Variants in DFFB observed in about 807,000 individuals in gnomAD.
The protein encoded by DFFB is DNA fragmentation factor 40 kDa subunit.
Under a neutral mutation model 32.7 loss-of-function variants are expected in DFFB, and 29 were observed. The observed-to-expected ratio is 0.89, with a 90% CI of 0.66 to 1.21. DFFB has a LOEUF of 1.21. DFFB is among the 50% of genes most tolerant of loss of function. DFFB has a pLI of 0.00. For synonymous variants in DFFB, 170 were observed against 177.1 expected (o/e 0.96, Z 0.32); for missense variants, 398 against 440.6 (o/e 0.90, Z 0.87).
chr1:3,879,277 C>T (rs189135507), intron 6 of DFFB, among the ~76,000 whole-genome samples: 13 of 152,240 alleles, frequency 8.5e-5, no homozygotes, highest in South Asian at 6.2e-4. Context: ...TCTGCCTGTG[C>T]GGTTTTCCGG....
At chr1:3,867,304 G>A (rs374223252) in intron 3 of DFFB, among the ~76,000 whole-genome samples, 2 of 152,192 alleles carry the variant, frequency 1.3e-5, no homozygotes, top group African/African-American at 2.4e-5. Flanking sequence ...ACTCCACTGC[G>A]TGTACATGCC....
At chr1:3,861,718 G>A (rs1337645745) in intron 2 of DFFB, among the ~76,000 whole-genome samples, 2 of 152,200 alleles carry the variant, frequency 1.3e-5, no homozygotes, top group Non-Finnish European at 2.9e-5. Flanking sequence ...GTGAGCCACC[G>A]CACCTGGCCA....
chr1:3,883,865 T>TA lies in DFFB; in HGVS notation c.*130dup. ...CTCCAGTAGCTCCTGGAAAAAACCT[T>TA]AAAAAATGTTTCCTCCAAATCTGAT... is the stretch of plus-strand genomic sequence containing the variant. On this transcript the variant is annotated 3_prime_UTR_variant, in exon 7 of 7. Transcript: ENST00000378209. The TA allele has an allele frequency of 1.5e-6, 1 of 688,974 alleles. No individual in the cohort carries two copies. Among genetic ancestry groups the TA allele is most frequent in the Non-Finnish European group, 2.5e-6 (1 of 403,852 alleles). 42.7% of individuals were successfully genotyped at this position (688,974 alleles called of 1,614,324 possible).
At chr1:3,857,781 G>A in intron 1 of DFFB, 64 bp downstream of exon 1, 2 of 1,186,946 alleles carry the variant, frequency 1.7e-6, no homozygotes, top group Non-Finnish European at 1.1e-6. Context: ...AGGAGGTGCC[G>A]CTTTTCCTCT....
At chr1:3,872,415 A>G in intron 5 of DFFB, 57 bp from the exon 6 acceptor site, 4 of 528,168 alleles carry the variant, frequency 7.6e-6, no homozygotes, top group Non-Finnish European at 1.1e-5. Context: ...CTGTCTCAAG[A>G]AAAAAAAAAA....
intron 5 of DFFB, among the ~76,000 whole-genome samples, chr1:3,871,314 GTC>G (rs761366214): frequency 7.2e-5 from 11 of 152,172 alleles, no homozygotes; most frequent in Non-Finnish European, 1.6e-4. Flanking sequence ...TTTGAGACGA[GTC>G]TCGCTCTGTC....
chr1:3,872,649 G>GTCCCTGCCGCA, intron 6 of DFFB, 77 bp downstream of exon 6: 1 of 1,312,708 alleles, frequency 7.6e-7, no homozygotes, highest in Non-Finnish European at 1.1e-6. Flanking sequence ...TCCCTGCCAT[G>GTCCCTGCCGCA]GCCCTGTCCC....
Position 3,865,679 on chromosome 1 carries a change from C to T in DFFB, c.242-133C>T. The T allele has an allele frequency of 7.1e-7, 1 of 1,417,594 alleles. No homozygotes were observed. Among genetic ancestry groups the T allele is most frequent in the Non-Finnish European group, 1.0e-6 (1 of 1,001,736 alleles). 87.8% of individuals were successfully genotyped at this position (1,417,594 alleles called of 1,614,324 possible). A position where few individuals can be genotyped will look rare whatever the true frequency, so the allele number is the denominator to read the frequency against. ...AGGGCAAGGACAAAGACCCGGGACA[C>T]CTCAAGTCTGAGTCCTGGTGATTGC... On this transcript the variant is annotated intron_variant, in intron 2 of 6. Transcript: ENST00000378209. This position sits in a 1 kb window ranked among gnomAD's most constrained non-coding sequence, Gnocchi z 4.7.
chr1:3,859,702 G>C (rs1028519159), intron 2 of DFFB, among the ~76,000 whole-genome samples: 6 of 152,234 alleles, frequency 3.9e-5, no homozygotes, highest in African/African-American at 9.6e-5. Context: ...TCTGGTGTGT[G>C]CTCCAAGGTT....
At chr1:3,862,753 G>A (rs1188384867) in intron 2 of DFFB, among the ~76,000 whole-genome samples, 1 of 152,186 alleles carries the variant, frequency 6.6e-6, no homozygotes, top group East Asian at 1.9e-4. Flanking sequence ...AGAAAACATA[G>A]CGATAAGTCC....
chr1:3,883,747 A>G lies in DFFB; in HGVS notation c.*6A>G. ...CTGTGCGGAAACGCCAGTGACACGT[A>G]CACACCACGTCCTGGTCTTTGTTTG... On this transcript the variant is annotated 3_prime_UTR_variant, in exon 7 of 7. Coordinates refer to ENST00000378209, the MANE Select transcript of DFFB (RefSeq NM_004402.4). 6.2e-7 allele frequency: 1 copy of G among 1,612,316 alleles called. No individual in the cohort carries two copies. The highest frequency in any genetic ancestry group is 8.5e-7 in the Non-Finnish European group (1 of 1,178,374).
chr1:3,866,966 G>A (rs1020959881), intron 3 of DFFB, among the ~76,000 whole-genome samples: 2 of 152,036 alleles, frequency 1.3e-5, no homozygotes, highest in Admixed American at 6.6e-5. Context: ...CGCGATCTTG[G>A]CTCACTGCAA....
chr1:3,867,619 G>C (rs978293346), intron 3 of DFFB: 2 of 238,938 alleles, frequency 8.4e-6, no homozygotes, highest in Non-Finnish European at 1.7e-5. Flanking sequence ...TTGGGAGGCC[G>C]AGGCTGGAAG....
At chr1:3,871,619 G>A (rs1645114142) in intron 5 of DFFB, among the ~76,000 whole-genome samples, 1 of 152,214 alleles carries the variant, frequency 6.6e-6, no homozygotes, top group Non-Finnish European at 1.5e-5. Context: ...CCCTAAAGCA[G>A]TATACCCTGG....
At chr1:3,858,600 C>A in intron 1 of DFFB, 118 bp from the exon 2 acceptor site, 3 of 1,301,384 alleles carry the variant, frequency 2.3e-6, no homozygotes, top group Non-Finnish European at 3.2e-6. Context: ...GGCATACAGG[C>A]GGCAGCCTGA....
chr1:3,875,553 T>G (rs967328878), intron 6 of DFFB, among the ~76,000 whole-genome samples: 19 of 152,186 alleles, frequency 1.2e-4, no homozygotes, highest in African/African-American at 4.6e-4. Context: ...GTCATTGTAC[T>G]TTTTTGCATT....
At chr1:3,883,005 T>G (rs1225332683) in intron 6 of DFFB, among the ~76,000 whole-genome samples, 1 of 58,434 alleles carries the variant, frequency 1.7e-5, no homozygotes, top group African/African-American at 4.6e-5. Context: ...GACACGAGTC[T>G]TTTTTTTTTT....
At chr1:3,877,622 G>T (rs528704450) in intron 6 of DFFB, among the ~76,000 whole-genome samples, 9 of 152,164 alleles carry the variant, frequency 5.9e-5, no homozygotes, top group African/African-American at 1.9e-4. Context: ...GAGCCACCGC[G>T]CCTGGCTGGA....
rs10909813 is a variant in DFFB at position 3,870,025 on chromosome 1, T to G, written c.681+250T>G. On this transcript the variant is annotated intron_variant, in intron 5 of 6. Coordinates refer to ENST00000378209, the MANE Select transcript of DFFB (RefSeq NM_004402.4). ...CCCGCCCCAGGGCTTGTCTCGGTAG[T>G]GCTGGGCGGTGTCTTAGTCAGCCCC... Among the ~76,000 whole-genome samples the G allele has an allele frequency of 0.1, 15,878 of 152,294 alleles. 883 individuals carry two copies. Among genetic ancestry groups the G allele is most frequent in the East Asian group, 0.22 (1,147 of 5,182 alleles).
Sources: allele counts gnomAD v4.1 joint callset (sites outside exome capture counted in the v4.1 genomes callset), GRCh38; gene constraint gnomAD v4.1.1; non-coding constraint Gnocchi (gnomAD v3.1); transcripts MANE v1.5; gene names NCBI Gene and HGNC (gene_info 2026-07-23, HGNC 2026-07-21).